The following TENM3 variants were observed in gnomAD, a reference collection of about 807,000 sequenced individuals.
TENM3 encodes teneurin-3.
TENM3 carries 63 observed loss-of-function variants against 255.1 expected under a neutral mutation model. The observed-to-expected ratio is 0.25, with a 90% CI of 0.20 to 0.30. The LOEUF (loss-of-function observed/expected upper bound fraction) is 0.30, where lower values mean the gene tolerates loss of function less well. Ranked by LOEUF, TENM3 falls within the 10% of genes least tolerant of loss-of-function variation. The probability of loss-of-function intolerance (pLI) is 1.00; values close to 1 mark genes in which losing one functional copy is unlikely to be tolerated. For missense variants in TENM3, 2,929 were observed against 3,461.1 expected (o/e 0.85, Z 3.86); for synonymous variants, 1,306 against 1,322.3 (o/e 0.99, Z 0.27).
chr4:181,966,960 T>C, the TENM3 span, among the ~76,000 whole-genome samples: 4 of 152,024 alleles, frequency 2.6e-5, no homozygotes, highest in Non-Finnish European at 4.4e-5. Context: ...CTCCTTCTTC[T>C]CTCCCTCCCC....
the TENM3 span, among the ~76,000 whole-genome samples, chr4:181,570,655 AAAGCAAGC>A: frequency 0.046 from 6,953 of 150,322 alleles, 249 homozygotes; most frequent in African/African-American, 0.1. Context: ...AGAAAGAAGG[AAAGCAAGC>A]AAGCAAGCAA....
intron 3 of TENM3, among the ~76,000 whole-genome samples, chr4:182,490,959 T>C (rs1420035846): frequency 6.6e-6 from 1 of 152,188 alleles, no homozygotes; most frequent in Non-Finnish European, 1.5e-5. Context: ...TTTTTGAGAA[T>C]AAAAAGGTAA....
the TENM3 span, among the ~76,000 whole-genome samples, chr4:181,534,472 C>A: frequency 4.8e-5 from 5 of 103,432 alleles, no homozygotes; most frequent in South Asian, 3.2e-4. Flanking sequence ...GTCTTCCCCC[C>A]CCCCACAGAA....
the TENM3 span, among the ~76,000 whole-genome samples, chr4:181,641,378 C>G: frequency 6.6e-6 from 1 of 151,136 alleles, no homozygotes; most frequent in South Asian, 2.1e-4. Context: ...GTTCCCCTCC[C>G]TGTGTCCACG....
the TENM3 span, among the ~76,000 whole-genome samples, chr4:181,920,655 T>G: frequency 6.6e-6 from 1 of 151,900 alleles, no homozygotes; most frequent in South Asian, 2.1e-4. Context: ...ATGAGTAGGT[T>G]GCAAAAATTT....
At chr4:181,715,724 T>C in the TENM3 span, among the ~76,000 whole-genome samples, 68 of 152,322 alleles carry the variant, frequency 4.5e-4, no homozygotes, top group Admixed American at 9.1e-4. Flanking sequence ...CTATCAATCA[T>C]TGGGACAACA....
chr4:182,407,978 A>T (rs1283285505), intron 3 of TENM3, among the ~76,000 whole-genome samples: 1 of 152,228 alleles, frequency 6.6e-6, no homozygotes, highest in Non-Finnish European at 1.5e-5. Context: ...TGTTTATTCC[A>T]AACTCCTGCC....
At chr4:182,559,627 A>AT (rs1429172294) in intron 3 of TENM3, among the ~76,000 whole-genome samples, 1 of 152,018 alleles carries the variant, frequency 6.6e-6, no homozygotes, top group Non-Finnish European at 1.5e-5. Flanking sequence ...TTTTCTATTG[A>AT]TTTTTTTAAT....
chr4:182,230,856 A>ATATATATC, intron 1 of TENM3, among the ~76,000 whole-genome samples: 1 of 117,586 alleles, frequency 8.5e-6, no homozygotes, highest in African/African-American at 3.3e-5. Context: ...ATATATATAT[A>ATATATATC]TCCCCCTTCT....
the TENM3 span, among the ~76,000 whole-genome samples, chr4:181,656,811 T>G: frequency 6.6e-6 from 1 of 151,552 alleles, no homozygotes; most frequent in Non-Finnish European, 1.5e-5. Context: ...GCCAAGGGAG[T>G]AAGGATTTCA....
At chr4:182,179,883 C>A (rs369943191) in intron 1 of TENM3, among the ~76,000 whole-genome samples, 155 of 152,202 alleles carry the variant, frequency 1.0e-3, no homozygotes, top group African/African-American at 3.6e-3. Flanking sequence ...GTGGCTTAGT[C>A]AGAAAACCCT....
rs1419945328 is a variant in TENM3 at position 182,754,435 on chromosome 4, C to T, written c.4068C>T (p.Ser1356=). The stretch of plus-strand genomic sequence containing the variant: ...TAGCCATTAACCCTATGGATAACTC[C>T]ATTTATGTCCTGGATAATAATGTAG... ...TDLAINPMDN[S]IYVLDNNVVL... The change falls in exon 22 of 28, where the codon TCC becomes TCT. Residue 1356 remains serine, a synonymous_variant. Transcript: ENST00000511685. The surrounding 1 kb of genome is among the most constrained non-coding windows in gnomAD (Gnocchi z 5.1). 1 of 1,610,350 alleles carries T rather than the reference C, an allele frequency of 6.2e-7. No individual in the cohort carries two copies. The highest frequency in any genetic ancestry group is 8.5e-7 in the Non-Finnish European group (1 of 1,178,052).
intron 12 of TENM3, among the ~76,000 whole-genome samples, chr4:182,695,071 A>G (rs898467230): frequency 6.6e-6 from 1 of 152,224 alleles, no homozygotes; most frequent in African/African-American, 2.4e-5. Flanking sequence ...TTCTAAAAAT[A>G]TCTTTTTAGA....
chr4:182,161,743 ATG>A lies in TENM3; in HGVS notation c.-76+16993_-76+16994del, dbSNP rs1201928720. On this transcript the variant is annotated intron_variant, in intron 1 of 2. Transcript: ENST00000512480. ...TGTGTATATATATATACACAAATAT[ATG>A]TGTATATATATACATATATATGTGT... Among the ~76,000 whole-genome samples the A allele has an allele frequency of 4.6e-5, 4 of 87,262 alleles. 1 individual carries two copies. Among genetic ancestry groups the A allele is most frequent in the African/African-American group, 8.9e-5 (2 of 22,502 alleles). 57.2% of individuals were successfully genotyped at this position (87,262 alleles called of 152,430 possible).
the TENM3 span, among the ~76,000 whole-genome samples, chr4:181,522,128 A>AG: frequency 9.8e-4 from 144 of 146,804 alleles, no homozygotes; most frequent in Middle Eastern, 3.6e-3. Flanking sequence ...AAAAAAAAAA[A>AG]AAGAAGAAGC....
chr4:182,518,536 T>C (rs943541036), intron 3 of TENM3, among the ~76,000 whole-genome samples: 6 of 151,176 alleles, frequency 4.0e-5, no homozygotes, highest in Non-Finnish European at 4.4e-5. Context: ...AATAGCAAAC[T>C]GCTGTGTTAT....
chr4:182,767,033 AT>A (rs1170667707), intron 22 of TENM3, among the ~76,000 whole-genome samples: 1 of 152,108 alleles, frequency 6.6e-6, no homozygotes, highest in Admixed American at 6.5e-5. Context: ...GCAGGGGAGT[AT>A]CAGGTGGTGC....
At chr4:181,478,871 A>T in the TENM3 span, among the ~76,000 whole-genome samples, 1 of 152,174 alleles carries the variant, frequency 6.6e-6, no homozygotes, top group Non-Finnish European at 1.5e-5. Flanking sequence ...CAAACTGTTA[A>T]TGCTTCCCTG....
At chr4:182,354,140 C>T (rs991899984) in intron 3 of TENM3, among the ~76,000 whole-genome samples, 3 of 152,264 alleles carry the variant, frequency 2.0e-5, no homozygotes, top group African/African-American at 7.2e-5. Context: ...TGGCAGTTTG[C>T]TATGCTTCAC....
Sources: gnomAD v4.1 joint callset for allele counts (sites outside exome capture counted in the v4.1 genomes callset) on GRCh38, gnomAD v4.1.1 for gene constraint, Gnocchi (gnomAD v3.1) non-coding constraint, MANE v1.5 for transcripts, NCBI Gene and HGNC (gene_info 2026-07-23, HGNC 2026-07-21) for gene names.